COX6B1: variants seen among roughly 807,000 people sequenced by gnomAD.
COX6B1 encodes the protein cytochrome c oxidase subunit 6B1.
COX6B1 carries 2 observed loss-of-function variants against 14.0 expected under a neutral mutation model. The ratio of observed to expected loss-of-function variants is 0.14; its 90% CI spans 0.06 to 0.45. The LOEUF is 0.45. Among genes scored for constraint, COX6B1 ranks in the 20% least tolerant of loss-of-function variants. COX6B1 has a pLI of 0.98. For synonymous variants in COX6B1, 30 were observed against 39.7 expected (o/e 0.76, Z 0.92); for missense variants, 81 against 114.2 (o/e 0.71, Z 1.33).
At chr19:35,655,788 T>TC (rs1491107886) in intron 3 of COX6B1, among the ~76,000 whole-genome samples, 8 of 150,860 alleles carry the variant, frequency 5.3e-5, no homozygotes, top group African/African-American at 7.4e-5. Context: ...TCTCTCTCTC[T>TC]TTGTCGCCCT....
intron 2 of COX6B1, 54 bp downstream of exon 2, chr19:35,651,403 T>C (rs1288831735): frequency 3.6e-6 from 5 of 1,380,896 alleles, no homozygotes; most frequent in African/African-American, 1.4e-5. Context: ...CGCTTGCCTC[T>C]TCCTAGGGGA....
chr19:35,658,512 A>T (rs550470350), intron 3 of COX6B1, 82 bp from the exon 4 acceptor site: 1 of 1,292,948 alleles, frequency 7.7e-7, no homozygotes, highest in African/African-American at 1.5e-5. Context: ...GGTTGAACAA[A>T]CAGGTGGGCA....
At position 35,654,640 on chromosome 19, in the gene COX6B1, G is replaced by A. The variant is rs980805216; in HGVS notation, c.176G>A (p.Arg59His). 9 of 1,614,164 alleles carry A rather than the reference G, an allele frequency of 5.6e-6. No homozygotes were observed. The highest frequency in any genetic ancestry group is 1.3e-5 in the African/African-American group (1 of 75,040). Residue 59 changes from arginine (R) to histidine (H), a missense_variant, in exon 3 of 4, where the codon CGT (arginine) becomes CAT (histidine). Transcript: ENST00000649813. ...GDISVCEWYQ[R>H]VYQSLCPTSW... ...ATCTCTGTGTGCGAATGGTACCAGC[G>A]TGTGTACCAGTCCCTCTGCCCCACA...
intron 2 of COX6B1, among the ~76,000 whole-genome samples, chr19:35,652,514 C>T (rs1214306421): frequency 4.6e-5 from 7 of 151,874 alleles, no homozygotes; most frequent in Non-Finnish European, 7.4e-5. Flanking sequence ...TCACTGCAAC[C>T]TCTTCTGCCT....
At chr19:35,650,809 C>G (rs1183133415) in intron 1 of COX6B1, among the ~76,000 whole-genome samples, 4 of 151,542 alleles carry the variant, frequency 2.6e-5, no homozygotes, top group Non-Finnish European at 5.9e-5. Flanking sequence ...GTAGATTATG[C>G]CAACAACGGA....
chr19:35,657,680 G>C (rs1162968644), intron 3 of COX6B1, among the ~76,000 whole-genome samples: 1 of 126,828 alleles, frequency 7.9e-6, no homozygotes, highest in African/African-American at 3.1e-5. Context: ...TTTAGAGACA[G>C]TCTTGCTCTG....
chr19:35,649,031 A>G (rs1483292278), intron 1 of COX6B1: 1 of 472,384 alleles, frequency 2.1e-6, no homozygotes, highest in Non-Finnish European at 4.4e-6. Context: ...TGAATTTGAC[A>G]CTGCTCTGCA....
intron 2 of COX6B1, among the ~76,000 whole-genome samples, chr19:35,652,610 ATT>A (rs34354660): frequency 2.6e-4 from 33 of 126,196 alleles, no homozygotes; most frequent in Admixed American, 4.0e-4. Flanking sequence ...AATTTTTTGT[ATT>A]TTTTTTTTTT....
chr19:35,653,250 G>A (rs902163236), intron 2 of COX6B1, among the ~76,000 whole-genome samples: 1 of 151,058 alleles, frequency 6.6e-6, no homozygotes, highest in Non-Finnish European at 1.5e-5. Context: ...TGAGATTACA[G>A]GTGTAAGCCA....
chr19:35,656,625 C>T (rs1222578972), intron 3 of COX6B1, among the ~76,000 whole-genome samples: 3 of 151,918 alleles, frequency 2.0e-5, no homozygotes, highest in Non-Finnish European at 2.9e-5. Context: ...GGATTACAGG[C>T]GCCTGCCACC....
At chr19:35,654,465 AC>A (rs1967865433) in intron 2 of COX6B1, 105 bp from the exon 3 acceptor site, 1 of 897,078 alleles carries the variant, frequency 1.1e-6, no homozygotes, top group Non-Finnish European at 1.9e-6. Context: ...CTGAGATCGC[AC>A]CACTGCACTC....
At chr19:35,657,946 C>A (rs1238792211) in intron 3 of COX6B1, among the ~76,000 whole-genome samples, 1 of 152,080 alleles carries the variant, frequency 6.6e-6, no homozygotes, top group Non-Finnish European at 1.5e-5. Flanking sequence ...CGTGAGCCAC[C>A]ATGCCCGGCT....
intron 1 of COX6B1, chr19:35,648,814 G>A (rs1182638022): frequency 9.4e-6 from 5 of 532,364 alleles, no homozygotes; most frequent in Non-Finnish European, 1.9e-5. Context: ...CTGGCTCCCG[G>A]GTGTCCAGTC....
chr19:35,658,030 A>C (rs1405377591), intron 3 of COX6B1, among the ~76,000 whole-genome samples: 1 of 152,102 alleles, frequency 6.6e-6, no homozygotes, highest in Non-Finnish European at 1.5e-5. Context: ...GAGCTCAAGC[A>C]GTCCTCCCAC....
chr19:35,649,578 A>G (rs2146368995), intron 1 of COX6B1, among the ~76,000 whole-genome samples: 1 of 151,394 alleles, frequency 6.6e-6, no homozygotes, highest in South Asian at 2.1e-4. Flanking sequence ...TCTTGGGTTC[A>G]AGTGATTCTC....
At chr19:35,654,503 A>T in intron 2 of COX6B1, 68 bp from the exon 3 acceptor site, 2 of 1,309,362 alleles carry the variant, frequency 1.5e-6, no homozygotes, top group Non-Finnish European at 2.2e-6. Context: ...TTGAGACCCT[A>T]CCTCAAAAAA....
At chr19:35,649,402 C>T (rs1178394522) in intron 1 of COX6B1, among the ~76,000 whole-genome samples, 1 of 152,018 alleles carries the variant, frequency 6.6e-6, no homozygotes, top group Non-Finnish European at 1.5e-5. Context: ...TCACTGCAAC[C>T]TCTGCTTCCC....
At chr19:35,650,005 A>ATT (rs34904202) in intron 1 of COX6B1, among the ~76,000 whole-genome samples, 43 of 143,874 alleles carry the variant, frequency 3.0e-4, no homozygotes, top group African/African-American at 8.1e-4. Flanking sequence ...TCAAAATTGT[A>ATT]TTTTTTTTTT....
At chr19:35,652,457 T>G (rs1242502086) in intron 2 of COX6B1, among the ~76,000 whole-genome samples, 1 of 149,554 alleles carries the variant, frequency 6.7e-6, no homozygotes, top group South Asian at 2.1e-4. Flanking sequence ...GAGACTGAGT[T>G]TTTTGTTTTC....
Sources: allele counts gnomAD v4.1 joint callset (sites outside exome capture counted in the v4.1 genomes callset), GRCh38; gene constraint gnomAD v4.1.1; transcripts MANE v1.5; gene names NCBI Gene and HGNC (gene_info 2026-07-23, HGNC 2026-07-21).